Variants in BABAM2 observed in about 807,000 individuals in gnomAD.
The protein encoded by BABAM2 is BRISC and BRCA1-A complex member 2.
A neutral mutation model predicts 54.7 loss-of-function variants in BABAM2; 31 were observed. The ratio of observed to expected loss-of-function variants is 0.57; its 90% CI spans 0.43 to 0.77. The LOEUF (loss-of-function observed/expected upper bound fraction) is 0.77. Among genes scored for constraint, BABAM2 ranks in the 30% least tolerant of loss-of-function variants. The probability of loss-of-function intolerance (pLI) is 0.00; values close to 1 mark genes in which losing one functional copy is unlikely to be tolerated. For synonymous variants in BABAM2, 167 were observed against 162.9 expected, an observed-to-expected ratio of 1.03 and a Z score of -0.19; for missense variants, 364 against 455.8, an observed-to-expected ratio of 0.80 and a Z score of 1.83.
intron 2 of BABAM2, among the ~76,000 whole-genome samples, chr2:27,920,456 G>A (rs1351988985): frequency 6.6e-6 from 1 of 152,140 alleles, no homozygotes; most frequent in African/African-American, 2.4e-5. Context: ...AGTAATCTAT[G>A]TTAGATTTAA....
rs2148258009 is a variant in BABAM2, at chr2:28,304,198, G to C, written c.1088+5707G>C. ...AGCCTTCCTAGTAGCTGGGATTACA[G>C]GCGCCCGCCACTATGCCCGGCCAAT... On this transcript the variant is annotated intron_variant, in intron 11 of 11. Transcript: ENST00000379624. This position sits in a 1 kb window ranked among gnomAD's most constrained non-coding sequence, Gnocchi z 4.0. Among the ~76,000 whole-genome samples, 1 of 150,948 alleles carries C rather than the reference G, an allele frequency of 6.6e-6. No homozygotes were observed. The highest frequency in any genetic ancestry group is 2.0e-4 in the East Asian group (1 of 5,128).
chr2:28,087,485 T>C (rs1665761768), intron 6 of BABAM2, among the ~76,000 whole-genome samples: 1 of 152,120 alleles, frequency 6.6e-6, no homozygotes, highest in African/African-American at 2.4e-5. Flanking sequence ...TTTGATGAAT[T>C]GCTGGAGGCT....
chr2:28,315,661 TTTA>T (rs1390359859), intron 11 of BABAM2, among the ~76,000 whole-genome samples: 3 of 149,848 alleles, frequency 2.0e-5, no homozygotes, highest in African/African-American at 7.4e-5. Context: ...TTATTTATTT[TTTA>T]TTTTTTTTTT....
At chr2:27,958,544 G>A (rs927801449) in intron 3 of BABAM2, among the ~76,000 whole-genome samples, 8 of 148,990 alleles carry the variant, frequency 5.4e-5, no homozygotes, top group Non-Finnish European at 1.0e-4. Context: ...ACTTATATAT[G>A]TTTATATATA....
chr2:28,000,987 C>A (rs1348100881), intron 4 of BABAM2, among the ~76,000 whole-genome samples: 1 of 152,154 alleles, frequency 6.6e-6, no homozygotes, highest in Non-Finnish European at 1.5e-5. Context: ...TCAGCCATTT[C>A]TCCAAGGAAC....
intron 1 of BABAM2, 82 bp from the exon 2 acceptor site, chr2:27,894,451 G>A (rs1208468226): frequency 7.5e-6 from 10 of 1,331,646 alleles, no homozygotes; most frequent in South Asian, 2.5e-5. Context: ...AGGAACTGCT[G>A]TATGCTGTCC....
At chr2:28,265,325 G>A (rs1047938278) in intron 10 of BABAM2, among the ~76,000 whole-genome samples, 1 of 152,290 alleles carries the variant, frequency 6.6e-6, no homozygotes, top group African/African-American at 2.4e-5. Flanking sequence ...TACTCAGGCA[G>A]CTGAGGCAGG....
intron 2 of BABAM2, among the ~76,000 whole-genome samples, chr2:27,918,779 C>T (rs1404428127): frequency 6.6e-6 from 1 of 152,066 alleles, no homozygotes; most frequent in Non-Finnish European, 1.5e-5. Flanking sequence ...GTCTTGACCT[C>T]CCTGGCTCAG....
chr2:27,894,722 C>G (rs753279586), intron 2 of BABAM2, 38 bp downstream of exon 2: 1 of 1,611,088 alleles, frequency 6.2e-7, no homozygotes, highest in Non-Finnish European at 8.5e-7. Context: ...GTACCAGAAC[C>G]AATTCAACCT....
intron 7 of BABAM2, among the ~76,000 whole-genome samples, chr2:28,232,346 G>C (rs1681488265): frequency 6.6e-6 from 1 of 152,158 alleles, no homozygotes; most frequent in Admixed American, 6.5e-5. Context: ...CCCAAGCCAA[G>C]CTTTCAGACA....
At chr2:28,259,511 TTTG>T (rs1399304322) in intron 10 of BABAM2, among the ~76,000 whole-genome samples, 2 of 152,180 alleles carry the variant, frequency 1.3e-5, no homozygotes. Context: ...ATACAAACCC[TTTG>T]TCAGTTCCGT....
At chr2:28,284,368 A>T (rs1419561321) in intron 10 of BABAM2, among the ~76,000 whole-genome samples, 1 of 152,020 alleles carries the variant, frequency 6.6e-6, no homozygotes, top group African/African-American at 2.4e-5. Flanking sequence ...TCCTAAATAT[A>T]CAAAGATTGA....
rs539086625 is a variant in BABAM2 at position 27,910,649 on chromosome 2, T to A, written c.128+15965T>A. ...AAATAGGTTAATATACTTTTAAAAA[T>A]ATATATATAAATGGAATTTATACTG... On this transcript the variant is annotated intron_variant, in intron 2 of 11. Coordinates refer to ENST00000379624, the MANE Select transcript of BABAM2 (RefSeq NM_199191.3). Among the ~76,000 whole-genome samples the A allele has an allele frequency of 5.9e-5, 9 of 152,196 alleles. No homozygotes were observed. The South Asian group carries it at 1.0e-3, about 18-fold the overall frequency.
chr2:28,052,350 C>T (rs1024443030), intron 6 of BABAM2, among the ~76,000 whole-genome samples: 4 of 150,232 alleles, frequency 2.7e-5, no homozygotes, highest in East Asian at 2.0e-4. Flanking sequence ...CGTAGTGGCA[C>T]GATCTTGGCT....
At chr2:28,134,768 G>T (rs918796902) in intron 7 of BABAM2, among the ~76,000 whole-genome samples, 9 of 152,198 alleles carry the variant, frequency 5.9e-5, no homozygotes, top group African/African-American at 2.2e-4. Context: ...TCAACCACAT[G>T]TGAGGCCCTT....
intron 7 of BABAM2, among the ~76,000 whole-genome samples, chr2:28,232,565 G>T (rs184644912): frequency 6.6e-6 from 1 of 152,132 alleles, no homozygotes; most frequent in African/African-American, 2.4e-5. Context: ...CCTACTACAC[G>T]CCTAGGCTAT....
intron 6 of BABAM2, among the ~76,000 whole-genome samples, chr2:28,101,450 G>T (rs1386930086): frequency 6.6e-6 from 1 of 152,154 alleles, no homozygotes; most frequent in Non-Finnish European, 1.5e-5. Context: ...CCAAATTCTT[G>T]TCACTGAGAT....
intron 2 of BABAM2, among the ~76,000 whole-genome samples, chr2:27,918,967 G>C (rs1289529463): frequency 6.6e-6 from 1 of 152,158 alleles, no homozygotes; most frequent in Non-Finnish European, 1.5e-5. Context: ...TAAGATTACA[G>C]GCATGAGCCA....
rs1677511417 is a variant in BABAM2 at position 28,045,789 on chromosome 2, A to G, written c.560A>G (p.Tyr187Cys). The change falls in exon 6 of 12, where the codon TAC becomes TGC. Residue 187 changes from tyrosine to cysteine, a missense_variant. Tyr to Cys is a radical substitution (Grantham distance 194). Coordinates refer to ENST00000379624, the MANE Select transcript of BABAM2 (RefSeq NM_199191.3). Reference sequence around the variant, plus strand: ...GTAGATTTCAGCAATATCCCCACATACCTTCTCAAGGTAAAAATATATGAT... The same window carrying G: ...GTAGATTTCAGCAATATCCCCACATGCCTTCTCAAGGTAAAAATATATGAT... ...LPVDFSNIPT[Y>C]LLKDVNEDPG... The G allele has an allele frequency of 4.4e-6, 7 of 1,607,806 alleles. No individual in the cohort carries two copies. The highest frequency in any genetic ancestry group is 1.3e-5 in the African/African-American group (1 of 74,966).
Sources: allele counts gnomAD v4.1 joint callset (sites outside exome capture counted in the v4.1 genomes callset), GRCh38; gene constraint gnomAD v4.1.1; non-coding constraint Gnocchi (gnomAD v3.1); transcripts MANE v1.5; gene names NCBI Gene and HGNC (gene_info 2026-07-23, HGNC 2026-07-21).